The following PEX19 variants were observed in gnomAD, a reference collection of about 807,000 sequenced individuals.
PEX19 encodes 33 kDa housekeeping protein.
PEX19 carries 29 observed loss-of-function variants against 36.3 expected under a neutral mutation model. The observed-to-expected ratio is 0.80, with a 90% CI of 0.60 to 1.09. The LOEUF is 1.09. Among genes scored for constraint, PEX19 ranks in the 50% least tolerant of loss-of-function variants. The pLI, the probability that PEX19 is intolerant of heterozygous loss-of-function variation, is 0.00. For synonymous variants in PEX19, 141 were observed against 135.2 expected (o/e 1.04, Z -0.30); for missense variants, 396 against 368.1 (o/e 1.08, Z -0.62).
chr1:160,279,554 CAT>C lies in PEX19; in HGVS notation c.895_896del (p.Met299ValfsTer105), dbSNP rs1175608825. On this transcript the variant is annotated frameshift_variant, in exon 8 of 8. Coordinates refer to ENST00000368072, the MANE Select transcript of PEX19 (RefSeq NM_002857.4). LOFTEE classifies it high-confidence loss of function. The part of the protein sequence containing the change: ...PGASGEQCLI[M>X] ...AGAGAGGAAAACGTGTTGTGTTTCACATGATCAGACACTGTTCACCACTGGCA... is the reference window on the plus strand; with the variant it reads ...AGAGAGGAAAACGTGTTGTGTTTCACGATCAGACACTGTTCACCACTGGCA... The C allele has an allele frequency of 4.3e-6, 7 of 1,613,152 alleles. No individual in the cohort carries two copies. Among genetic ancestry groups the C allele is most frequent in the Non-Finnish European group, 1.7e-6 (2 of 1,179,202 alleles).
At chr1:160,280,034 G>A (rs752712572) in intron 6 of PEX19, 36 bp downstream of exon 6, 3 of 1,591,222 alleles carry the variant, frequency 1.9e-6, no homozygotes, top group African/African-American at 2.7e-5. Flanking sequence ...ACACCTAAGT[G>A]GACAGCACCA....
At position 160,279,379 on chromosome 1, in the gene PEX19, C is replaced by G. The variant is rs886045449; in HGVS notation, c.*172G>C. Reference sequence around the variant, plus strand: ...ATGGCCTGTGAAACAGACCCTATTCCTAGAGAGACAGAGGAAAAACCTCAG... The same window carrying G: ...ATGGCCTGTGAAACAGACCCTATTCGTAGAGAGACAGAGGAAAAACCTCAG... On this transcript the variant is annotated 3_prime_UTR_variant, in exon 8 of 8. Transcript: ENST00000368072. 1 of 708,144 alleles carries G rather than the reference C, an allele frequency of 1.4e-6. No individual in the cohort carries two copies. The highest frequency in any genetic ancestry group is 2.6e-6 in the Non-Finnish European group (1 of 389,436). The allele number at this position is 708,144 out of a possible 1,614,324, so 43.9% of individuals were successfully genotyped here. A position where few individuals can be genotyped will look rare whatever the true frequency, so the allele number is the denominator to read the frequency against.
chr1:160,277,041 T>G lies in PEX19; in HGVS notation c.*2510A>C, dbSNP rs1657565906. 3 of 453,980 alleles carry G rather than the reference T, an allele frequency of 6.6e-6. No homozygotes were observed. Among genetic ancestry groups the G allele is most frequent in the Non-Finnish European group, 1.3e-5 (3 of 226,798 alleles). 28.1% of individuals were successfully genotyped at this position (453,980 alleles called of 1,614,324 possible). On this transcript the variant is annotated 3_prime_UTR_variant, in exon 8 of 8. Coordinates refer to ENST00000368072, the MANE Select transcript of PEX19 (RefSeq NM_002857.4). ...AGAGATGTCCTTACTAGTGACACATTCTTGCTGAAGAACAAGTTCTCTGGA... is the reference window on the plus strand; with the variant it reads ...AGAGATGTCCTTACTAGTGACACATGCTTGCTGAAGAACAAGTTCTCTGGA...
chr1:160,281,159 A>G (rs2101801356), intron 5 of PEX19: 1 of 152,232 alleles, frequency 6.6e-6, no homozygotes, highest in South Asian at 2.1e-4. Context: ...AATTTTGAAA[A>G]CATTGGCCAA....
intron 5 of PEX19, 56 bp from the exon 6 acceptor site, chr1:160,280,302 G>C: frequency 6.9e-7 from 1 of 1,445,350 alleles, no homozygotes; most frequent in Non-Finnish European, 9.7e-7. Context: ...ATATGGATGG[G>C]TAATCAGAAC....
chr1:160,279,901 G>T, intron 6 of PEX19, 56 bp from the exon 7 acceptor site: 1 of 1,483,344 alleles, frequency 6.7e-7, no homozygotes, highest in Non-Finnish European at 9.4e-7. Flanking sequence ...AAACAACAGA[G>T]GATCCAGAAG....
Position 160,285,047 on chromosome 1 carries a change from G to C in PEX19, c.70+8C>G, listed in dbSNP as rs371723760. Reference sequence around the variant, plus strand: ...CCTCTTCGGGCCTTTCCCACTATGGGCTCTTACTTTCCAGAAGCTCCTCCA... The same window carrying C: ...CCTCTTCGGGCCTTTCCCACTATGGCCTCTTACTTTCCAGAAGCTCCTCCA... On this transcript the variant is annotated splice_region_variant and intron_variant, in intron 1 of 7. Transcript: ENST00000368072. 1.2e-6 allele frequency: 2 copies of C among 1,605,096 alleles called. No homozygotes were observed. The highest frequency in any genetic ancestry group is 4.5e-5 in the East Asian group (2 of 44,844).
intron 2 of PEX19, 47 bp downstream of exon 2, chr1:160,283,483 C>T: frequency 7.2e-7 from 1 of 1,380,424 alleles, no homozygotes; most frequent in Non-Finnish European, 1.0e-6. Context: ...CTGCTCAGGG[C>T]TGCATGCCCA....
intron 2 of PEX19, 48 bp from the exon 3 acceptor site, chr1:160,283,157 T>C (rs1657855594): frequency 1.9e-6 from 3 of 1,600,728 alleles, no homozygotes; most frequent in African/African-American, 2.7e-5. Context: ...AGGACTACAC[T>C]GCACCTGGCC....
rs1460288842 is a variant in PEX19 at position 160,277,244 on chromosome 1, G to C, written c.*2307C>G. The C allele has an allele frequency of 8.8e-6, 4 of 455,332 alleles. No individual in the cohort carries two copies. The highest frequency in any genetic ancestry group is 4.0e-5 in the African/African-American group (2 of 49,864). The allele number at this position is 455,332 out of a possible 1,614,324, so 28.2% of individuals were successfully genotyped here. On this transcript the variant is annotated 3_prime_UTR_variant, in exon 8 of 8. Transcript: ENST00000368072. ...TCTGTGACATGGTGAATTAGAAATT[G>C]AGAGTGTTTAAAAACTTTTTAGCAT...
At position 160,285,121 on chromosome 1, in the gene PEX19, C is replaced by A; in HGVS notation, c.4G>T (p.Ala2Ser). ...ACACTACAGCCTTCCTCAGCGGCGGCCATCTTGCTACCTCCGACTTGCCGT... is the reference window on the plus strand; with the variant it reads ...ACACTACAGCCTTCCTCAGCGGCGGACATCTTGCTACCTCCGACTTGCCGT... M[A>S]AAEEGCSVGA... Residue 2 changes from alanine to serine, a missense_variant, in exon 1 of 8, where the codon GCC (alanine) becomes TCC (serine). Ala to Ser is a moderately conservative substitution (Grantham distance 99). Coordinates refer to ENST00000368072, the MANE Select transcript of PEX19 (RefSeq NM_002857.4). The A allele has an allele frequency of 6.2e-7, 1 of 1,613,444 alleles. No homozygotes were observed. Among genetic ancestry groups the A allele is most frequent in the African/African-American group, 1.3e-5 (1 of 75,034 alleles).
Position 160,277,807 on chromosome 1 carries a change from A to T in PEX19, c.*1744T>A. On this transcript the variant is annotated 3_prime_UTR_variant, in exon 8 of 8. Transcript: ENST00000368072. ...TTTAAGGAGAAAATAGTGACACTGA[A>T]GCCCCATGACTATATCACAAGTATA... 1.9e-6 allele frequency: 1 copy of T among 518,736 alleles called. No homozygotes were observed. Among genetic ancestry groups the T allele is most frequent in the South Asian group, 1.5e-5 (1 of 65,112 alleles). 32.1% of individuals were successfully genotyped at this position (518,736 alleles called of 1,614,324 possible). A position where few individuals can be genotyped will look rare whatever the true frequency, so the allele number is the denominator to read the frequency against.
Position 160,278,016 on chromosome 1 carries a change from G to T in PEX19, c.*1535C>A. 1.4e-6 allele frequency: 1 copy of T among 700,302 alleles called. No homozygotes were observed. Among genetic ancestry groups the T allele is most frequent in the South Asian group, 1.5e-5 (1 of 67,306 alleles). The allele number at this position is 700,302 out of a possible 1,614,324, so 43.4% of individuals were successfully genotyped here. A position where few individuals can be genotyped will look rare whatever the true frequency, so the allele number is the denominator to read the frequency against. On this transcript the variant is annotated 3_prime_UTR_variant, in exon 8 of 8. Transcript: ENST00000368072. ...CAAGGGGTGAAAAGTTTTAACCTCG[G>T]GGCAAGTGACATGTCAGAAGCTCAA... is the stretch of plus-strand genomic sequence containing the variant.
chr1:160,279,808 C>T lies in PEX19; in HGVS notation c.809G>A (p.Gly270Glu), dbSNP rs148739951. Residue 270 changes from glycine (G) to glutamate (E), a missense_variant, in exon 7 of 8, where the codon GGA becomes GAA. Transcript: ENST00000368072. ...AAAATAAGACATACTCACCATCTCT[C>T]CAGCCAGCTCTTTTGGAGGATGGCC... Reference protein sequence around the residue: ...DLGHPPKELAGEMPPGLNFDL... With the variant: ...DLGHPPKELAEEMPPGLNFDL... The T allele has an allele frequency of 1.2e-6, 2 of 1,613,026 alleles. No homozygotes were observed. Among genetic ancestry groups the T allele is most frequent in the Non-Finnish European group, 1.7e-6 (2 of 1,179,088 alleles).
Position 160,282,419 on chromosome 1 carries a change from G to A in PEX19, c.430C>T (p.Gln144Ter), listed in dbSNP as rs1446981551. The A allele has an allele frequency of 1.2e-6, 2 of 1,612,730 alleles. No homozygotes were observed. The highest frequency in any genetic ancestry group is 1.7e-6 in the Non-Finnish European group (2 of 1,178,806). The change falls in exon 4 of 8, where the codon CAG becomes TAG. Residue 144 changes from glutamine (Q) to a stop codon, truncating the protein, a stop_gained and splice_region_variant. Transcript: ENST00000368072. LOFTEE classifies it high-confidence loss of function. ...GGCCCCTACTACTTTCTCCTCACCT[G>A]AAGGTCAGTGGCATTTTTGGCTAAT... ...SGLAKNATDLQNSSMSEEELT... is the reference protein window; with the variant it reads ...SGLAKNATDL
intron 6 of PEX19, 48 bp downstream of exon 6, chr1:160,280,022 G>C (rs371112359): frequency 2.6e-6 from 4 of 1,563,218 alleles, no homozygotes; most frequent in Non-Finnish European, 3.5e-6. Context: ...TTCCTTCACT[G>C]AACACCTAAG....
chr1:160,285,102 C>A lies in PEX19; in HGVS notation c.23G>T (p.Cys8Phe), dbSNP rs369984634. MAAAEEG[C>F]SVGAEADREL... ...CCTGTCCGCTTCGGCCCCGACACTACAGCCTTCCTCAGCGGCGGCCATCTT... is the reference window on the plus strand; with the variant it reads ...CCTGTCCGCTTCGGCCCCGACACTAAAGCCTTCCTCAGCGGCGGCCATCTT... Residue 8 changes from cysteine (C) to phenylalanine (F), a missense_variant, in exon 1 of 8, where the codon TGT becomes TTT. Coordinates refer to ENST00000368072, the MANE Select transcript of PEX19 (RefSeq NM_002857.4). The A allele has an allele frequency of 5.6e-6, 9 of 1,613,862 alleles. No homozygotes were observed. In the African/African-American group the frequency reaches 1.1e-4, roughly 19 times the overall value.
intron 3 of PEX19, 177 bp from the exon 4 acceptor site, chr1:160,282,679 G>A (rs958943699): frequency 2.9e-6 from 2 of 683,720 alleles, no homozygotes; most frequent in Admixed American, 4.5e-5. Flanking sequence ...CACGGACTCT[G>A]CATCAGTTTA....
At position 160,279,639 on chromosome 1, in the gene PEX19, G is replaced by A. The variant is rs764311237; in HGVS notation, c.817-5C>T. The A allele has an allele frequency of 1.9e-6, 3 of 1,613,234 alleles. No individual in the cohort carries two copies. The highest frequency in any genetic ancestry group is 2.5e-6 in the Non-Finnish European group (3 of 1,179,258). On this transcript the variant is annotated splice_polypyrimidine_tract_variant and splice_region_variant and intron_variant, in intron 7 of 7. Transcript: ENST00000368072. ...GTCAAAGTTGAGGCCAGGAGGCTGG[G>A]GAAGAGATGAAGGGACTCAGATAGT... is the stretch of plus-strand genomic sequence containing the variant.
Sources: gnomAD v4.1 joint callset for allele counts on GRCh38, gnomAD v4.1.1 for gene constraint, MANE v1.5 for transcripts, NCBI Gene and HGNC (gene_info 2026-07-23, HGNC 2026-07-21) for gene names.